Variants in SOX5 observed in about 807,000 individuals in gnomAD.
SOX5 encodes the protein SRY-box transcription factor 5.
In SOX5, 9 loss-of-function variants were observed where a neutral mutation model predicts 92.0. The ratio of observed to expected loss-of-function variants is 0.10; its 90% CI spans 0.06 to 0.17. The LOEUF (loss-of-function observed/expected upper bound fraction) is 0.17, where lower values mean the gene tolerates loss of function less well. Ranked by LOEUF, SOX5 falls within the 10% of genes least tolerant of loss-of-function variation. The probability of loss-of-function intolerance (pLI) is 1.00; values close to 1 mark genes in which losing one functional copy is unlikely to be tolerated. For missense variants in SOX5, 642 were observed against 944.5 expected (o/e 0.68, Z 4.20); for synonymous variants, 344 against 336.3 (o/e 1.02, Z -0.25).
In SOX5 at chr12:24,060,868, C is replaced by T. The variant is rs116454094; in HGVS notation, c.-2+152475G>A. On this transcript the variant is annotated intron_variant, in intron 4 of 4. Coordinates refer to the SOX5 transcript ENST00000446891. ...TAACACAGAGAAAGGCAAAGAAAGA[C>T]GAGAGACGATGACAGCAACTGAGCC... 7.7e-3 allele frequency among the ~76,000 whole-genome samples: 1,179 copies of T among 152,268 alleles called. 17 individuals are homozygous for T. Among genetic ancestry groups the T allele is most frequent in the African/African-American group, 0.026 (1,099 of 41,546 alleles).
At chr12:23,607,367 C>A (rs958181382) in intron 8 of SOX5, among the ~76,000 whole-genome samples, 10 of 152,134 alleles carry the variant, frequency 6.6e-5, no homozygotes, top group African/African-American at 1.9e-4. Context: ...AATACTCTTG[C>A]ATTCTAACTT....
intron 3 of SOX5, among the ~76,000 whole-genome samples, chr12:24,243,166 C>T (rs1454468415): frequency 6.6e-6 from 1 of 152,068 alleles, no homozygotes; most frequent in Non-Finnish European, 1.5e-5. Context: ...TTAAAAAGAA[C>T]CCCATGAACC....
rs1386116375 is a variant in SOX5 at position 24,506,782 on chromosome 12, G to GTATT, written c.-251+55546_-251+55547insAATA. On this transcript the variant is annotated intron_variant, in intron 1 of 4. Transcript: ENST00000446891. ...ACCTGTATTTCATGGTATCCAAATG[G>GTATT]TCTTTTTTTTTTTTTTTTTTTTTTG... 1.1e-4 allele frequency among the ~76,000 whole-genome samples: 9 copies of GTATT among 80,284 alleles called. No individual in the cohort carries two copies. The East Asian group carries it at 3.9e-3, about 35-fold the overall frequency. The allele number at this position is 80,284 out of a possible 152,430, so 52.7% of individuals were successfully genotyped here.
At chr12:24,207,244 G>A (rs1199338234) in intron 4 of SOX5, among the ~76,000 whole-genome samples, 2 of 152,198 alleles carry the variant, frequency 1.3e-5, no homozygotes, top group African/African-American at 2.4e-5. Context: ...TCCTTTTGGA[G>A]CTATCTCAAC....
chr12:23,790,218 G>T (rs1386618549), intron 3 of SOX5, among the ~76,000 whole-genome samples: 1 of 151,950 alleles, frequency 6.6e-6, no homozygotes, highest in Admixed American at 6.6e-5. Context: ...CTACTTAATT[G>T]CCAGAAGACA....
At chr12:24,199,749 G>T (rs1193478602) in intron 4 of SOX5, among the ~76,000 whole-genome samples, 1 of 152,062 alleles carries the variant, frequency 6.6e-6, no homozygotes, top group Admixed American at 6.5e-5. Flanking sequence ...CCTGCCAGTT[G>T]CAAATCCCTA....
intron 1 of SOX5, among the ~76,000 whole-genome samples, chr12:24,486,291 T>TAC (rs1437019667): frequency 6.6e-6 from 1 of 152,162 alleles, no homozygotes; most frequent in Non-Finnish European, 1.5e-5. Context: ...CCTGAAGACT[T>TAC]ACAAGTAACC....
intron 1 of SOX5, among the ~76,000 whole-genome samples, chr12:23,935,572 C>A (rs7973271): frequency 0.35 from 53,441 of 150,848 alleles, 10,007 homozygotes; most frequent in Non-Finnish European, 0.43. Context: ...AACTGGAAGT[C>A]AGTATCTCTC....
chr12:24,115,979 C>A (rs1293310375), intron 4 of SOX5, among the ~76,000 whole-genome samples: 4 of 151,874 alleles, frequency 2.6e-5, no homozygotes, highest in Non-Finnish European at 5.9e-5. Flanking sequence ...GAGAATAGAA[C>A]ATGAAGAGAC....
At chr12:23,941,456 T>G (rs1279428491) in intron 1 of SOX5, among the ~76,000 whole-genome samples, 1 of 151,520 alleles carries the variant, frequency 6.6e-6, no homozygotes, top group African/African-American at 2.4e-5. Flanking sequence ...CTATAAATAT[T>G]TATATATCAT....
Position 24,428,838 on chromosome 12 carries a change from C to A in SOX5, c.-250-60199G>T, listed in dbSNP as rs954318436. On this transcript the variant is annotated intron_variant, in intron 1 of 4. Coordinates refer to the SOX5 transcript ENST00000446891. The stretch of plus-strand genomic sequence containing the variant: ...CAACGATTTTGCAACTTCAAGACAG[C>A]ATAGTGAGCCGGTTAATGGATTATG... Among the ~76,000 whole-genome samples, 9 of 146,796 alleles carry A rather than the reference C, an allele frequency of 6.1e-5. No individual in the cohort carries two copies. The Admixed American group carries it at 6.2e-4, about 10-fold the overall frequency.
intron 4 of SOX5, among the ~76,000 whole-genome samples, chr12:24,147,562 GGGAGTGC>G (rs1414917512): frequency 2.6e-5 from 4 of 152,288 alleles, no homozygotes; most frequent in African/African-American, 9.6e-5. Flanking sequence ...GAGGTTGTAT[GGGAGTGC>G]AATAAAGCAA....
At chr12:24,348,598 G>T (rs1168295976) in intron 2 of SOX5, among the ~76,000 whole-genome samples, 1 of 152,018 alleles carries the variant, frequency 6.6e-6, no homozygotes, top group Admixed American at 6.6e-5. Flanking sequence ...GGCCAGGCTG[G>T]TCTGGAACTC....
chr12:23,663,792 ATAGAATTTATTCT>A (rs146029002), intron 7 of SOX5, among the ~76,000 whole-genome samples: 14,988 of 152,096 alleles, frequency 0.099, 779 homozygotes, highest in Non-Finnish European at 0.11. Flanking sequence ...AATTCTATTC[ATAGAATTTATTCT>A]TAGAATGTAA....
chr12:24,226,755 G>C (rs1962111421), intron 3 of SOX5, among the ~76,000 whole-genome samples: 1 of 152,186 alleles, frequency 6.6e-6, no homozygotes, highest in Non-Finnish European at 1.5e-5. Flanking sequence ...ACAGGCGTGA[G>C]CCACCACGCC....
intron 4 of SOX5, among the ~76,000 whole-genome samples, chr12:24,037,677 C>T (rs1041938732): frequency 6.6e-6 from 1 of 151,988 alleles, no homozygotes; most frequent in African/African-American, 2.4e-5. Context: ...ATTTCTATTC[C>T]AAAAGTTAAA....
At chr12:23,756,292 T>C (rs1442390597) in intron 3 of SOX5, among the ~76,000 whole-genome samples, 1 of 151,670 alleles carries the variant, frequency 6.6e-6, no homozygotes, top group Non-Finnish European at 1.5e-5. Flanking sequence ...TTGGAAAATC[T>C]AGAGAAGTGA....
chr12:24,226,453 C>A (rs1242163986), intron 3 of SOX5, among the ~76,000 whole-genome samples: 1 of 151,796 alleles, frequency 6.6e-6, no homozygotes, highest in Non-Finnish European at 1.5e-5. Flanking sequence ...GCATAGAGAT[C>A]TTCCTCATTA....
chr12:24,186,939 A>G (rs75695192), intron 4 of SOX5, among the ~76,000 whole-genome samples: 1 of 2,174 alleles, frequency 4.6e-4, no homozygotes, highest in East Asian at 0.12. Flanking sequence ...AAAACACATT[A>G]AAAAAAAGTA....
Sources: allele counts gnomAD v4.1 joint callset (sites outside exome capture counted in the v4.1 genomes callset), GRCh38; gene constraint gnomAD v4.1.1; transcripts MANE v1.5; gene names NCBI Gene and HGNC (gene_info 2026-07-23, HGNC 2026-07-21).